The following SLC22A9 variants were observed in gnomAD, a reference collection of about 807,000 sequenced individuals.
The protein encoded by SLC22A9 is solute carrier family 22 member 9.
Under a neutral mutation model 50.1 loss-of-function variants are expected in SLC22A9, and 64 were observed. The ratio of observed to expected loss-of-function variants is 1.28; its 90% CI spans 1.04 to 1.57. The LOEUF (loss-of-function observed/expected upper bound fraction) is 1.57. Among genes scored for constraint, SLC22A9 ranks in the 40% most tolerant of loss-of-function variants. The pLI, the probability that SLC22A9 is intolerant of heterozygous loss-of-function variation, is 0.00. For synonymous variants in SLC22A9, 261 were observed against 242.5 expected (o/e 1.08, Z -0.71); for missense variants, 757 against 676.1 (o/e 1.12, Z -1.33).
intron 6 of SLC22A9, among the ~76,000 whole-genome samples, chr11:63,397,295 G>A (rs575024756): frequency 6.6e-6 from 1 of 152,150 alleles, no homozygotes; most frequent in Non-Finnish European, 1.5e-5. Context: ...CACCTCTGTG[G>A]CCACCACCAC....
rs1460496157 is a variant in SLC22A9, at chr11:63,373,712, T to C, written c.575T>C (p.Leu192Ser). ...GCCATTGTTGGCACCTGTGCAGCCT[T>C]GGCTCCCACCTTCCTCATTTACTGC... ...QVAIVGTCAALAPTFLIYCSL... is the reference protein window; with the variant it reads ...QVAIVGTCAASAPTFLIYCSL... Residue 192 changes from leucine (L) to serine (S), a missense_variant, in exon 3 of 10, where the codon TTG becomes TCG. Coordinates refer to ENST00000279178, the MANE Select transcript of SLC22A9 (RefSeq NM_080866.3). 3 of 1,613,084 alleles carry C rather than the reference T, an allele frequency of 1.9e-6. No homozygotes were observed. The highest frequency in any genetic ancestry group is 1.3e-5 in the African/African-American group (1 of 74,874).
Position 63,410,257 on chromosome 11 carries a change from A to AAAAAAAAGAAGGAAAAAAAG in SLC22A9, c.*398_*399insAAAAGAAGGAAAAAAAGAAA. 1 of 108,470 alleles carries AAAAAAAAGAAGGAAAAAAAG rather than the reference A, an allele frequency of 9.2e-6. No individual in the cohort carries two copies. Among genetic ancestry groups the AAAAAAAAGAAGGAAAAAAAG allele is most frequent in the Non-Finnish European group, 1.6e-5 (1 of 61,186 alleles). The allele number at this position is 108,470 out of a possible 1,614,324, so 6.7% of individuals were successfully genotyped here. ...CTGTCTCAAAAAAAAAAAAAAAAAA[A>AAAAAAAAGAAGGAAAAAAAG]AAAGAAAGAAGGAAAGAAAGAAAGA... On this transcript the variant is annotated 3_prime_UTR_variant, in exon 10 of 10. Coordinates refer to ENST00000279178, the MANE Select transcript of SLC22A9 (RefSeq NM_080866.3).
At chr11:63,397,185 C>G (rs1471819644) in intron 6 of SLC22A9, among the ~76,000 whole-genome samples, 2 of 152,176 alleles carry the variant, frequency 1.3e-5, no homozygotes, top group African/African-American at 4.8e-5. Context: ...TCTGGATTAC[C>G]AGGCAGATAC....
rs548342757 is a variant in SLC22A9 at position 63,394,165 on chromosome 11, A to G, written c.1073+11888A>G. ...CATCAGGTCATTTATGTTATTCTCT[A>G]AACTGGTTATTCTAGTTAGCAATTC... On this transcript the variant is annotated intron_variant, in intron 6 of 9. Coordinates refer to ENST00000279178, the MANE Select transcript of SLC22A9 (RefSeq NM_080866.3). Among the ~76,000 whole-genome samples the G allele has an allele frequency of 8.2e-4, 125 of 152,214 alleles. 3 individuals carry two copies. In the South Asian group the frequency reaches 0.026, roughly 31 times the overall value.
chr11:63,388,303 C>A (rs2014703836), intron 6 of SLC22A9, among the ~76,000 whole-genome samples: 1 of 151,208 alleles, frequency 6.6e-6, no homozygotes, highest in Non-Finnish European at 1.5e-5. Context: ...AGCTATGAGT[C>A]TGTTGTTTAT....
chr11:63,396,766 T>C (rs55998369), intron 6 of SLC22A9, among the ~76,000 whole-genome samples: 51,425 of 152,054 alleles, frequency 0.34, 9,063 homozygotes, highest in African/African-American at 0.42. Flanking sequence ...CTGATTTTTT[T>C]CTCTGTGTTA....
At chr11:63,400,084 A>G (rs2014927176) in intron 6 of SLC22A9, among the ~76,000 whole-genome samples, 1 of 152,130 alleles carries the variant, frequency 6.6e-6, no homozygotes, top group East Asian at 1.9e-4. Flanking sequence ...AAAACAGTAG[A>G]AAGACTTCAA....
intron 9 of SLC22A9, 53 bp from the exon 10 acceptor site, chr11:63,409,749 C>T (rs1377774489): frequency 4.5e-6 from 7 of 1,545,808 alleles, no homozygotes; most frequent in Non-Finnish European, 6.2e-6. Context: ...CATGTTTAGT[C>T]CATGTCTTTT....
chr11:63,390,956 T>C (rs1425837865), intron 6 of SLC22A9, among the ~76,000 whole-genome samples: 3 of 152,122 alleles, frequency 2.0e-5, no homozygotes. Context: ...TAGACACTTA[T>C]AGCTAAAAAT....
At chr11:63,394,021 T>C (rs1391356433) in intron 6 of SLC22A9, among the ~76,000 whole-genome samples, 3 of 152,198 alleles carry the variant, frequency 2.0e-5, no homozygotes, top group Non-Finnish European at 4.4e-5. Context: ...AATCTTGTCT[T>C]CATGCTTTAT....
chr11:63,374,245 A>G (rs879048084), intron 4 of SLC22A9, among the ~76,000 whole-genome samples, 183 bp downstream of exon 4: 7 of 152,200 alleles, frequency 4.6e-5, no homozygotes, highest in Non-Finnish European at 1.0e-4. Flanking sequence ...ACTGAGGGCA[A>G]TCAATGAAAT....
At chr11:63,383,704 G>A (rs1425968609) in intron 6 of SLC22A9, among the ~76,000 whole-genome samples, 1 of 152,104 alleles carries the variant, frequency 6.6e-6, no homozygotes, top group Non-Finnish European at 1.5e-5. Flanking sequence ...TGAATAAAGT[G>A]ATAACAAATT....
Position 63,370,348 on chromosome 11 carries a change from C to T in SLC22A9, c.292C>T (p.Leu98Phe). ...CRRFVHPQWQ[L>F]LHLNGTFPNT... The stretch of plus-strand genomic sequence containing the variant: ...TCGCTTTGTTCATCCTCAGTGGCAG[C>T]TCCTTCACCTGAATGGGACCTTCCC... Residue 98 changes from leucine (L) to phenylalanine (F), a missense_variant, in exon 1 of 10, where the codon CTC (leucine) becomes TTC (phenylalanine). Leu to Phe is a conservative substitution (Grantham distance 22, BLOSUM62 0). Coordinates refer to ENST00000279178, the MANE Select transcript of SLC22A9 (RefSeq NM_080866.3). 1.9e-6 allele frequency: 3 copies of T among 1,613,978 alleles called. No individual in the cohort carries two copies. The highest frequency in any genetic ancestry group is 2.5e-6 in the Non-Finnish European group (3 of 1,179,892).
chr11:63,404,222 C>T (rs998962734), intron 6 of SLC22A9, among the ~76,000 whole-genome samples: 1 of 137,178 alleles, frequency 7.3e-6, no homozygotes, highest in Admixed American at 7.6e-5. Context: ...CACAGAAGAA[C>T]AAACACTGTC....
intron 5 of SLC22A9, among the ~76,000 whole-genome samples, chr11:63,377,066 C>T (rs529826898): frequency 1.3e-5 from 2 of 152,054 alleles, no homozygotes; most frequent in African/African-American, 4.8e-5. Context: ...TAGAAATCTA[C>T]AAAGAGACTT....
At chr11:63,379,566 A>G (rs1302256067) in intron 5 of SLC22A9, among the ~76,000 whole-genome samples, 1 of 152,148 alleles carries the variant, frequency 6.6e-6, no homozygotes. Context: ...GAGTAAATAA[A>G]GAAGAGTGTA....
intron 6 of SLC22A9, among the ~76,000 whole-genome samples, chr11:63,393,934 C>G (rs968611711): frequency 1.4e-4 from 21 of 152,062 alleles, no homozygotes; most frequent in African/African-American, 4.3e-4. Context: ...TCAGGTACAC[C>G]AAGCAAATGT....
chr11:63,369,964 A>G lies in SLC22A9; in HGVS notation c.-93A>G. 7.9e-7 allele frequency: 1 copy of G among 1,265,142 alleles called. No individual in the cohort carries two copies. The highest frequency in any genetic ancestry group is 1.5e-5 in the South Asian group (1 of 68,776). The allele number at this position is 1,265,142 out of a possible 1,614,324, so 78.4% of individuals were successfully genotyped here. Reference sequence around the variant, plus strand: ...GTGGGGTCAGGATCAAAACACATTTAGTGTGACTTAGGGAAAGAAAACATT... The same window carrying G: ...GTGGGGTCAGGATCAAAACACATTTGGTGTGACTTAGGGAAAGAAAACATT... On this transcript the variant is annotated 5_prime_UTR_variant, in exon 1 of 10. Transcript: ENST00000279178.
At chr11:63,378,360 C>T (rs780195227) in intron 5 of SLC22A9, among the ~76,000 whole-genome samples, 22 of 151,962 alleles carry the variant, frequency 1.4e-4, no homozygotes, top group Non-Finnish European at 2.5e-4. Flanking sequence ...AACTAGGCAT[C>T]GAAGGAGCAT....
Sources: allele counts gnomAD v4.1 joint callset (sites outside exome capture counted in the v4.1 genomes callset), GRCh38; gene constraint gnomAD v4.1.1; transcripts MANE v1.5; gene names NCBI Gene and HGNC (gene_info 2026-07-23, HGNC 2026-07-21).